PCGF3: variants seen among roughly 807,000 people sequenced by gnomAD.
PCGF3 encodes polycomb group ring finger 3, also known as polycomb group RING finger protein 3.
A neutral mutation model predicts 33.1 loss-of-function variants in PCGF3; 7 were observed. That is an observed-to-expected ratio of 0.21 (90% CI 0.12 to 0.40). The LOEUF (loss-of-function observed/expected upper bound fraction) is 0.40, where lower values mean the gene tolerates loss of function less well. Ranked by LOEUF, PCGF3 falls within the 10% of genes least tolerant of loss-of-function variation. PCGF3 has a pLI of 1.00. For missense variants in PCGF3, 211 were observed against 313.3 expected (o/e 0.67, Z 2.46); for synonymous variants, 153 against 121.3 (o/e 1.26, Z -1.72).
chr4:710,321 C>G (rs1577391750), intron 1 of PCGF3, among the ~76,000 whole-genome samples: 1 of 152,210 alleles, frequency 6.6e-6, no homozygotes, highest in East Asian at 1.9e-4. Context: ...CCGAGGGAGC[C>G]CATGCCTAGC....
At chr4:756,326 C>T (rs1219386630) in intron 8 of PCGF3, among the ~76,000 whole-genome samples, 3 of 151,928 alleles carry the variant, frequency 2.0e-5, no homozygotes, top group African/African-American at 7.3e-5. Context: ...GAGTCTCCCA[C>T]CTCCGCCTCC....
chr4:735,339 G>A (rs1743780716), intron 5 of PCGF3, among the ~76,000 whole-genome samples: 1 of 152,214 alleles, frequency 6.6e-6, no homozygotes, highest in Non-Finnish European at 1.5e-5. Flanking sequence ...CTGAGGTCAG[G>A]AGTTTGAGAC....
intron 3 of PCGF3, among the ~76,000 whole-genome samples, 165 bp from the exon 4 acceptor site, chr4:733,507 C>G (rs959489471): frequency 6.6e-6 from 1 of 152,188 alleles, no homozygotes; most frequent in African/African-American, 2.4e-5. Context: ...GATTGCTGAC[C>G]GTGCCCTGCA....
intron 1 of PCGF3, among the ~76,000 whole-genome samples, chr4:716,187 C>G (rs1742827471): frequency 8.1e-6 from 1 of 122,794 alleles, no homozygotes; most frequent in Non-Finnish European, 1.8e-5. Flanking sequence ...TGCTGGAACC[C>G]TGTAGACACT....
In PCGF3 at chr4:737,276, G is replaced by A. The variant is rs1337258624; in HGVS notation, c.207-190G>A. Among the ~76,000 whole-genome samples, 4 of 152,226 alleles carry A rather than the reference G, an allele frequency of 2.6e-5. No homozygotes were observed. The East Asian group carries it at 5.8e-4, about 22-fold the overall frequency. ...AATGTTTGAAGCAGCCAGAGCCCAA[G>A]TTAAATGACGCGTTAATTCAGCTCA... is the stretch of plus-strand genomic sequence containing the variant. On this transcript the variant is annotated intron_variant, in intron 5 of 10. Coordinates refer to ENST00000362003, the Ensembl canonical transcript of PCGF3.
At chr4:737,433 C>G (rs1199671788) in intron 5 of PCGF3, 33 bp from the exon 6 acceptor site, 1 of 1,443,492 alleles carries the variant, frequency 6.9e-7, no homozygotes, top group Non-Finnish European at 9.8e-7. Context: ...ATTAACATTT[C>G]CAGCTAACTC....
At chr4:710,556 G>T (rs966675733) in intron 1 of PCGF3, among the ~76,000 whole-genome samples, 1 of 152,232 alleles carries the variant, frequency 6.6e-6, no homozygotes, top group African/African-American at 2.4e-5. Flanking sequence ...GTAAATCAGC[G>T]ATTGCGTGTG....
intron 4 of PCGF3, 181 bp downstream of exon 4, chr4:733,970 C>A: frequency 1.3e-6 from 2 of 1,551,468 alleles, no homozygotes; most frequent in Non-Finnish European, 1.7e-6. Context: ...GCTAAAGGTC[C>A]TGTGGGTGGT....
chr4:717,856 C>A (rs980378554), intron 1 of PCGF3, among the ~76,000 whole-genome samples: 1 of 152,180 alleles, frequency 6.6e-6, no homozygotes, highest in Non-Finnish European at 1.5e-5. Context: ...GAGGCAAAGG[C>A]AGAGGGAGGT....
At chr4:734,692 T>G in intron 4 of PCGF3, 1 of 1,325,160 alleles carries the variant, frequency 7.5e-7, no homozygotes, top group Non-Finnish European at 9.6e-7. Flanking sequence ...TTTTCCCACT[T>G]AATTCCTAAC....
intron 8 of PCGF3, among the ~76,000 whole-genome samples, chr4:748,214 T>C (rs1477842802): frequency 6.6e-6 from 1 of 152,192 alleles, no homozygotes; most frequent in Non-Finnish European, 1.5e-5. Context: ...TTTTTTTTTT[T>C]TTGAGATGGA....
intron 8 of PCGF3, among the ~76,000 whole-genome samples, chr4:756,736 C>A (rs1332490919): frequency 1.3e-5 from 2 of 152,128 alleles, no homozygotes; most frequent in African/African-American, 4.8e-5. Flanking sequence ...ATCTCCAGAG[C>A]CTTTTTATCT....
chr4:743,702 GA>G (rs1198979523), intron 7 of PCGF3, 118 bp downstream of exon 7: 7 of 642,538 alleles, frequency 1.1e-5, no homozygotes, highest in Non-Finnish European at 2.0e-5. Context: ...GAACGTGGGG[GA>G]ACCTGAGGGT....
chr4:732,349 C>CCCTTCCCCTCTCCTCCCTTCT (rs1743623305), intron 3 of PCGF3: 1 of 128,040 alleles, frequency 7.8e-6, no homozygotes, highest in African/African-American at 2.7e-5. Flanking sequence ...CCCCTCCCTT[C>CCCTTCCCCTCTCCTCCCTTCT]CCTTCCCCTC....
intron 9 of PCGF3, among the ~76,000 whole-genome samples, chr4:763,167 C>T (rs1745161367): frequency 6.6e-6 from 1 of 152,270 alleles, no homozygotes; most frequent in East Asian, 1.9e-4. Flanking sequence ...GGAAATGGGG[C>T]AACGCTTTTT....
rs1743142308 is a variant in PCGF3 at position 722,664 on chromosome 4, CT to C, written c.-189-7965del. Reference sequence around the variant, plus strand: ...GCCGGGTCCACACTCGCGTCATCACCTGTCTGCGCTGGGTCCACACTCGCGT... The same window carrying C: ...GCCGGGTCCACACTCGCGTCATCACCGTCTGCGCTGGGTCCACACTCGCGT... On this transcript the variant is annotated intron_variant, in intron 1 of 10. Coordinates refer to ENST00000362003, the Ensembl canonical transcript of PCGF3. 3.1e-5 allele frequency among the ~76,000 whole-genome samples: 4 copies of C among 128,072 alleles called. 1 individual carries two copies. Among genetic ancestry groups the C allele is most frequent in the Admixed American group, 3.0e-4 (4 of 13,294 alleles). 84.0% of individuals were successfully genotyped at this position (128,072 alleles called of 152,430 possible). A position where few individuals can be genotyped will look rare whatever the true frequency, so the allele number is the denominator to read the frequency against.
At chr4:765,720 A>C (rs1577452966) in intron 10 of PCGF3, among the ~76,000 whole-genome samples, 1 of 152,092 alleles carries the variant, frequency 6.6e-6, no homozygotes, top group Non-Finnish European at 1.5e-5. Flanking sequence ...GGGCTGGGCC[A>C]GAGGGTTTGA....
chr4:729,676 C>G (rs1464513203), intron 1 of PCGF3, among the ~76,000 whole-genome samples: 2 of 152,114 alleles, frequency 1.3e-5, no homozygotes, highest in Non-Finnish European at 2.9e-5. Flanking sequence ...AAGACTAACT[C>G]TACTCTTTCC....
intron 1 of PCGF3, among the ~76,000 whole-genome samples, chr4:725,495 T>G: frequency 1.4e-5 from 2 of 142,864 alleles, no homozygotes; most frequent in African/African-American, 2.7e-5. Context: ...GAGGAGGGAG[T>G]AGGAACGGGC....
Sources: allele counts gnomAD v4.1 joint callset (sites outside exome capture counted in the v4.1 genomes callset), GRCh38; gene constraint gnomAD v4.1.1; transcripts MANE v1.5; gene names NCBI Gene and HGNC (gene_info 2026-07-23, HGNC 2026-07-21).